Variants in TMEM178B observed in about 807,000 individuals in gnomAD.
The protein encoded by TMEM178B is transmembrane protein 178B.
Under a neutral mutation model 31.0 loss-of-function variants are expected in TMEM178B, and 5 were observed. The observed-to-expected ratio is 0.16, with a 90% CI of 0.08 to 0.34. The LOEUF (loss-of-function observed/expected upper bound fraction) is 0.34. TMEM178B is among the 10% of genes least tolerant of loss of function. TMEM178B has a pLI of 1.00. For missense variants in TMEM178B, 275 were observed against 400.3 expected (o/e 0.69, Z 2.67); for synonymous variants, 164 against 164.0 (o/e 1.00, Z 0.00).
At chr7:141,236,372 C>T (rs1259517649) in intron 2 of TMEM178B, among the ~76,000 whole-genome samples, 1 of 152,186 alleles carries the variant, frequency 6.6e-6, no homozygotes, top group Non-Finnish European at 1.5e-5. Flanking sequence ...TACCAGGACC[C>T]CTGGGAAGAA....
intron 2 of TMEM178B, among the ~76,000 whole-genome samples, chr7:141,435,535 G>A (rs537651430): frequency 1.3e-5 from 2 of 152,274 alleles, no homozygotes; most frequent in South Asian, 2.1e-4. Context: ...GGGAAAGCAG[G>A]GACTAAGGTA....
intron 1 of TMEM178B, among the ~76,000 whole-genome samples, chr7:141,201,400 A>T (rs190556165): frequency 1.6e-3 from 246 of 152,254 alleles, no homozygotes; most frequent in Non-Finnish European, 2.9e-3. Flanking sequence ...GGGAGCCGGG[A>T]AGTGTTCAGC....
intron 2 of TMEM178B, among the ~76,000 whole-genome samples, chr7:141,430,901 C>T (rs559031644): frequency 3.9e-5 from 6 of 152,186 alleles, no homozygotes; most frequent in African/African-American, 1.4e-4. Context: ...AATGAATGTC[C>T]GGCTCTCAGG....
chr7:141,462,957 C>G (rs1244863464), intron 3 of TMEM178B, among the ~76,000 whole-genome samples: 1 of 152,120 alleles, frequency 6.6e-6, no homozygotes, highest in Non-Finnish European at 1.5e-5. Context: ...GCATGTGTGT[C>G]TACATAGCCC....
At chr7:141,307,996 T>A (rs1798842840) in intron 2 of TMEM178B, among the ~76,000 whole-genome samples, 1 of 152,358 alleles carries the variant, frequency 6.6e-6, no homozygotes, top group Non-Finnish European at 1.5e-5. Context: ...CTTGACTTTG[T>A]AGAGCAGATG....
At chr7:141,260,453 G>T (rs1438183429) in intron 2 of TMEM178B, among the ~76,000 whole-genome samples, 3 of 151,972 alleles carry the variant, frequency 2.0e-5, no homozygotes, top group East Asian at 3.9e-4. Flanking sequence ...ATCACCGTTT[G>T]TTGGGAAAAG....
At chr7:141,102,844 T>G (rs1403669885) in intron 1 of TMEM178B, among the ~76,000 whole-genome samples, 1 of 152,222 alleles carries the variant, frequency 6.6e-6, no homozygotes, top group Non-Finnish European at 1.5e-5. Context: ...TTCCCAAGCT[T>G]TCTGTGAGGC....
rs1801231791 is a variant in TMEM178B at position 141,422,573 on chromosome 7, G to T, written c.497-15035G>T. On this transcript the variant is annotated intron_variant, in intron 2 of 3. Transcript: ENST00000565468. This position sits in a 1 kb window ranked among gnomAD's most constrained non-coding sequence, Gnocchi z 4.2. ...CTCACACAGAGCCTGTGTTGGCTCT[G>T]TTGCCAGAGGCAGCATGAAACAGCC... Among the ~76,000 whole-genome samples the T allele has an allele frequency of 6.6e-6, 1 of 152,144 alleles. No individual in the cohort carries two copies. The highest frequency in any genetic ancestry group is 1.5e-5 in the Non-Finnish European group (1 of 68,018).
At chr7:141,075,869 G>A (rs540624706) in intron 1 of TMEM178B, among the ~76,000 whole-genome samples, 1 of 152,260 alleles carries the variant, frequency 6.6e-6, no homozygotes, top group East Asian at 1.9e-4. Flanking sequence ...GAGAACTGAT[G>A]TTCTTTGATG....
chr7:141,288,067 C>CA (rs1798477268), intron 2 of TMEM178B, among the ~76,000 whole-genome samples: 1 of 152,150 alleles, frequency 6.6e-6, no homozygotes, highest in Admixed American at 6.5e-5. Flanking sequence ...GATGCCCTGA[C>CA]CCCTGTGGCA....
chr7:141,093,454 A>G (rs1794910532), intron 1 of TMEM178B, among the ~76,000 whole-genome samples: 1 of 152,212 alleles, frequency 6.6e-6, no homozygotes, highest in South Asian at 2.1e-4. Flanking sequence ...TAGTTGCTCA[A>G]GGGGAGATAT....
At chr7:141,182,129 A>G (rs4725527) in intron 1 of TMEM178B, among the ~76,000 whole-genome samples, 103,110 of 151,960 alleles carry the variant, frequency 0.68, 35,394 homozygotes, top group Middle Eastern at 0.72. Context: ...TATGACACAG[A>G]GAAAGATTTT....
chr7:141,510,315 G>A, the TMEM178B span, among the ~76,000 whole-genome samples: 1 of 152,120 alleles, frequency 6.6e-6, no homozygotes, highest in African/African-American at 2.4e-5. Context: ...TGGAATTAGA[G>A]TAAAGGAAGG....
At chr7:141,429,557 T>C (rs1801384915) in intron 2 of TMEM178B, among the ~76,000 whole-genome samples, 1 of 152,132 alleles carries the variant, frequency 6.6e-6, no homozygotes, top group Middle Eastern at 3.2e-3. Flanking sequence ...TAGGAGGGTA[T>C]GGGGAGATAT....
At chr7:141,438,792 C>T (rs950856860) in intron 3 of TMEM178B, among the ~76,000 whole-genome samples, 9 of 145,962 alleles carry the variant, frequency 6.2e-5, no homozygotes, top group African/African-American at 2.3e-4. Context: ...AGGAGAATTG[C>T]TTGAACCTGG....
At chr7:141,292,337 G>T (rs1018340687) in intron 2 of TMEM178B, among the ~76,000 whole-genome samples, 7 of 152,156 alleles carry the variant, frequency 4.6e-5, no homozygotes, top group African/African-American at 1.7e-4. Flanking sequence ...TAATTTCTCA[G>T]AAATATCTTC....
chr7:141,224,190 G>A (rs1464948289), intron 2 of TMEM178B, among the ~76,000 whole-genome samples: 1 of 152,190 alleles, frequency 6.6e-6, no homozygotes, highest in African/African-American at 2.4e-5. Flanking sequence ...CCGTAGTCAT[G>A]TGGAACTGTG....
At chr7:141,393,771 G>A (rs763119792) in intron 2 of TMEM178B, among the ~76,000 whole-genome samples, 16 of 152,194 alleles carry the variant, frequency 1.1e-4, no homozygotes, top group Non-Finnish European at 2.2e-4. Flanking sequence ...TTCCTTCAGG[G>A]AGCCGTGTTT....
chr7:141,084,245 T>C (rs1463327587), intron 1 of TMEM178B, among the ~76,000 whole-genome samples: 1 of 152,244 alleles, frequency 6.6e-6, no homozygotes, highest in African/African-American at 2.4e-5. Context: ...TTTTTTTTGC[T>C]TTTTCTGAAC....
Sources: gnomAD v4.1 joint callset for allele counts (sites outside exome capture counted in the v4.1 genomes callset) on GRCh38, gnomAD v4.1.1 for gene constraint, Gnocchi (gnomAD v3.1) non-coding constraint, MANE v1.5 for transcripts, NCBI Gene and HGNC (gene_info 2026-07-23, HGNC 2026-07-21) for gene names.